The following STK32B variants were observed in gnomAD, a reference collection of about 807,000 sequenced individuals.
STK32B encodes the protein serine/threonine kinase 32B.
STK32B carries 43 observed loss-of-function variants against 52.6 expected under a neutral mutation model. The observed-to-expected ratio is 0.82, with a 90% CI of 0.64 to 1.05. STK32B has a LOEUF of 1.05. Among genes scored for constraint, STK32B ranks in the 50% least tolerant of loss-of-function variants. STK32B has a pLI of 0.00. For synonymous variants in STK32B, 238 were observed against 204.3 expected (o/e 1.17, Z -1.41); for missense variants, 621 against 534.6 (o/e 1.16, Z -1.59).
chr4:5,258,371 A>G (rs1238212935), intron 3 of STK32B, among the ~76,000 whole-genome samples: 1 of 152,180 alleles, frequency 6.6e-6, no homozygotes, highest in Admixed American at 6.5e-5. Context: ...ATGTCTGAAC[A>G]TAATTTGAAC....
chr4:5,138,272 A>G (rs1716197069), intron 1 of STK32B, among the ~76,000 whole-genome samples: 1 of 152,230 alleles, frequency 6.6e-6, no homozygotes, highest in Non-Finnish European at 1.5e-5. Context: ...TGGCAGGGAC[A>G]CAACTCAGCA....
At chr4:5,370,743 A>G (rs944572122) in intron 4 of STK32B, among the ~76,000 whole-genome samples, 10 of 152,158 alleles carry the variant, frequency 6.6e-5, no homozygotes, top group African/African-American at 1.4e-4. Context: ...CTGTAATCCC[A>G]GCACTTTGGG....
At chr4:5,468,404 C>G (rs1372775141) in intron 11 of STK32B, among the ~76,000 whole-genome samples, 1 of 152,184 alleles carries the variant, frequency 6.6e-6, no homozygotes. Flanking sequence ...GTCAAGTTGC[C>G]TGGGGCCAAG....
At chr4:5,039,478 T>G in the STK32B span, among the ~76,000 whole-genome samples, 4 of 152,332 alleles carry the variant, frequency 2.6e-5, no homozygotes, top group Admixed American at 2.0e-4. Flanking sequence ...GTGACATGCA[T>G]GGAGCTGTCA....
At chr4:5,411,070 C>T (rs1191450275) in intron 5 of STK32B, among the ~76,000 whole-genome samples, 1 of 149,232 alleles carries the variant, frequency 6.7e-6, no homozygotes, top group Non-Finnish European at 1.5e-5. Context: ...GTGTCTCACT[C>T]TGTCACCCAG....
At chr4:5,492,482 C>A (rs895729531) in intron 11 of STK32B, among the ~76,000 whole-genome samples, 1 of 151,882 alleles carries the variant, frequency 6.6e-6, no homozygotes, top group Non-Finnish European at 1.5e-5. Context: ...TGGGCTGAGA[C>A]AATGGGGTTT....
intron 1 of STK32B, among the ~76,000 whole-genome samples, chr4:5,134,844 C>G (rs1481290889): frequency 6.6e-6 from 1 of 152,236 alleles, no homozygotes; most frequent in Non-Finnish European, 1.5e-5. Flanking sequence ...AGGATGTGGA[C>G]TGTGGTTTAC....
At chr4:5,373,763 C>G (rs1276827193) in intron 4 of STK32B, among the ~76,000 whole-genome samples, 1 of 152,192 alleles carries the variant, frequency 6.6e-6, no homozygotes, top group Non-Finnish European at 1.5e-5. Flanking sequence ...TCTTCTCTGC[C>G]ATTCTCACTC....
chr4:5,122,385 C>CTCAT, intron 1 of STK32B, among the ~76,000 whole-genome samples: 1 of 148,642 alleles, frequency 6.7e-6, no homozygotes, highest in Non-Finnish European at 1.5e-5. Flanking sequence ...CATTCATTCA[C>CTCAT]TCACTCATTC....
chr4:5,039,862 T>C, the STK32B span, among the ~76,000 whole-genome samples: 1 of 152,224 alleles, frequency 6.6e-6, no homozygotes. Flanking sequence ...CAAAATGTCA[T>C]GATGCTGCAC....
intron 3 of STK32B, among the ~76,000 whole-genome samples, chr4:5,169,775 G>C (rs150923359): frequency 6.6e-6 from 1 of 152,198 alleles, no homozygotes; most frequent in African/African-American, 2.4e-5. Flanking sequence ...AATCCGAACA[G>C]CAATATGTGT....
intron 4 of STK32B, among the ~76,000 whole-genome samples, chr4:5,374,556 G>T (rs1735457518): frequency 6.6e-6 from 1 of 152,180 alleles, no homozygotes; most frequent in South Asian, 2.1e-4. Context: ...GGAAGTCCAA[G>T]ACTGAAGAAT....
intron 3 of STK32B, among the ~76,000 whole-genome samples, chr4:5,261,523 A>G (rs931988291): frequency 1.6e-4 from 25 of 152,130 alleles, no homozygotes; most frequent in African/African-American, 5.6e-4. Context: ...TCTTTAACCT[A>G]TTGTTTCTAA....
Position 5,331,203 on chromosome 4 carries a change from T to A in STK32B, c.261-17T>A, listed in dbSNP as rs1204549514. On this transcript the variant is annotated splice_polypyrimidine_tract_variant and intron_variant, in intron 3 of 11. Transcript: ENST00000282908. Reference sequence around the variant, plus strand: ...GTGCCTCCACCCCTAATCTTCTCTGTCCTTCTGTGCTCCTAGGTACTCCTT... The same window carrying A: ...GTGCCTCCACCCCTAATCTTCTCTGACCTTCTGTGCTCCTAGGTACTCCTT... 1 of 1,602,442 alleles carries A rather than the reference T, an allele frequency of 6.2e-7. No individual in the cohort carries two copies. The highest frequency in any genetic ancestry group is 2.2e-5 in the East Asian group (1 of 44,630).
chr4:5,038,985 C>CTT, the STK32B span, among the ~76,000 whole-genome samples: 614 of 122,294 alleles, frequency 5.0e-3, 14 homozygotes, highest in African/African-American at 0.014. Context: ...AAATTTCTTT[C>CTT]TTTTTTTTTT....
At chr4:5,416,735 T>A (rs1452375083) in intron 5 of STK32B, 110 bp from the exon 6 acceptor site, 1 of 769,546 alleles carries the variant, frequency 1.3e-6, no homozygotes, top group Non-Finnish European at 2.1e-6. Context: ...GTATTATAAA[T>A]AGAAGTTCTA....
At chr4:5,087,969 C>G (rs767121546) in intron 1 of STK32B, among the ~76,000 whole-genome samples, 97 of 152,012 alleles carry the variant, frequency 6.4e-4, no homozygotes, top group South Asian at 2.3e-3. Context: ...ATATAACAGT[C>G]CACCTAACAA....
chr4:5,450,668 G>C (rs184045898), intron 7 of STK32B, among the ~76,000 whole-genome samples: 21 of 152,290 alleles, frequency 1.4e-4, no homozygotes, highest in African/African-American at 4.6e-4. Flanking sequence ...GAATCCGTTT[G>C]TATTAACAAG....
In STK32B at chr4:5,499,289, G is replaced by C; in HGVS notation, c.*206G>C. The C allele has an allele frequency of 1.8e-6, 1 of 555,182 alleles. No individual in the cohort carries two copies. Among genetic ancestry groups the C allele is most frequent in the Non-Finnish European group, 2.8e-6 (1 of 358,726 alleles). The allele number at this position is 555,182 out of a possible 1,614,324, so 34.4% of individuals were successfully genotyped here. ...ACCTCAGACAAGTCACGCCCTCTCT[G>C]TGCCTCCGTTTTCTGCATCTGCCAA... On this transcript the variant is annotated 3_prime_UTR_variant, in exon 12 of 12. Transcript: ENST00000282908.
Sources: gnomAD v4.1 joint callset for allele counts (sites outside exome capture counted in the v4.1 genomes callset) on GRCh38, gnomAD v4.1.1 for gene constraint, MANE v1.5 for transcripts, NCBI Gene and HGNC (gene_info 2026-07-23, HGNC 2026-07-21) for gene names.